Variants in NAALADL2 observed in about 807,000 individuals in gnomAD.
NAALADL2 encodes N-acetylated alpha-linked acidic dipeptidase like 2, also known as inactive N-acetylated-alpha-linked acidic dipeptidase-like protein 2.
Under a neutral mutation model 87.2 loss-of-function variants are expected in NAALADL2, and 76 were observed. The observed-to-expected ratio is 0.87, with a 90% CI of 0.72 to 1.05. The LOEUF (loss-of-function observed/expected upper bound fraction) is 1.05. Ranked by LOEUF, NAALADL2 falls within the 50% of genes least tolerant of loss-of-function variation. The pLI is 0.00. For missense variants in NAALADL2, 1,089 were observed against 945.8 expected (o/e 1.15, Z -1.99); for synonymous variants, 354 against 331.0 (o/e 1.07, Z -0.75).
chr3:175,690,277 A>G (rs1736870922), intron 11 of NAALADL2, among the ~76,000 whole-genome samples: 1 of 152,090 alleles, frequency 6.6e-6, no homozygotes, highest in Non-Finnish European at 1.5e-5. Context: ...ATAAAAAGGC[A>G]CTGGAGAAAT....
intron 13 of NAALADL2, among the ~76,000 whole-genome samples, chr3:175,768,376 A>G (rs536138777): frequency 7.2e-5 from 11 of 152,138 alleles, no homozygotes; most frequent in Admixed American, 7.2e-4. Context: ...TTTTTGATCT[A>G]TCAGATTACT....
intron 2 of NAALADL2, among the ~76,000 whole-genome samples, chr3:174,585,130 C>T (rs192423003): frequency 6.6e-6 from 1 of 152,218 alleles, no homozygotes; most frequent in East Asian, 1.9e-4. Context: ...ACTCTGACCC[C>T]TGAAATATTA....
intron 1 of NAALADL2, among the ~76,000 whole-genome samples, chr3:175,071,280 T>C (rs532991331): frequency 4.1e-4 from 62 of 152,276 alleles, no homozygotes; most frequent in Non-Finnish European, 7.5e-4. Flanking sequence ...TTTCTGACTA[T>C]GCTAAGATAT....
At chr3:174,563,264 A>G (rs941283618) in intron 2 of NAALADL2, among the ~76,000 whole-genome samples, 3 of 151,682 alleles carry the variant, frequency 2.0e-5, no homozygotes, top group African/African-American at 7.2e-5. Context: ...TCTTCTCCAG[A>G]TATTTATAAG....
At chr3:174,876,906 G>A (rs1003993098) in intron 1 of NAALADL2, among the ~76,000 whole-genome samples, 4 of 152,106 alleles carry the variant, frequency 2.6e-5, no homozygotes, top group Admixed American at 2.0e-4. Context: ...TCAAGATTAA[G>A]GCATTAGCAA....
chr3:175,581,650 A>G (rs1719801599), intron 10 of NAALADL2, among the ~76,000 whole-genome samples: 1 of 152,224 alleles, frequency 6.6e-6, no homozygotes, highest in Admixed American at 6.5e-5. Context: ...ATCAATGTGG[A>G]ATCTTAATCC....
Position 175,802,319 on chromosome 3 carries a change from AT to A in NAALADL2, c.2190-677del, listed in dbSNP as rs200186887. 3.8e-4 allele frequency among the ~76,000 whole-genome samples: 55 copies of A among 143,258 alleles called. 1 individual carries two copies. The highest frequency in any genetic ancestry group is 2.1e-3 in the Admixed American group (30 of 14,348). 94.0% of individuals were successfully genotyped at this position (143,258 alleles called of 152,430 possible). On this transcript the variant is annotated intron_variant, in intron 13 of 13. Coordinates refer to ENST00000454872, the MANE Select transcript of NAALADL2 (RefSeq NM_207015.3). ...TAGTAAGGTCTATGCTTTGTGATTG[AT>A]TTTTTTTTGGGGGGGGACAATTTTG...
At chr3:175,100,566 A>G (rs6443281) in intron 2 of NAALADL2, among the ~76,000 whole-genome samples, 84,800 of 151,542 alleles carry the variant, frequency 0.56, 23,657 homozygotes, top group Non-Finnish European at 0.57. Context: ...GGCCAGGGGC[A>G]GTGGGTAATG....
At chr3:175,797,045 T>C (rs529253732) in intron 13 of NAALADL2, among the ~76,000 whole-genome samples, 1 of 152,220 alleles carries the variant, frequency 6.6e-6, no homozygotes, top group Non-Finnish European at 1.5e-5. Flanking sequence ...CTGGAGTTGT[T>C]AATTAGGTTT....
At chr3:174,487,592 A>G (rs1401898717) in intron 1 of NAALADL2, among the ~76,000 whole-genome samples, 2 of 152,004 alleles carry the variant, frequency 1.3e-5, no homozygotes, top group Non-Finnish European at 2.9e-5. Context: ...AAGAAGTGGC[A>G]TTTGATATGG....
At chr3:174,786,151 T>C (rs906934644) in intron 3 of NAALADL2, among the ~76,000 whole-genome samples, 2 of 152,120 alleles carry the variant, frequency 1.3e-5, no homozygotes, top group Non-Finnish European at 2.9e-5. Context: ...CAAAAAGCTT[T>C]ACTGAAAAAG....
chr3:175,674,503 A>G (rs1734492767), intron 11 of NAALADL2, among the ~76,000 whole-genome samples: 1 of 152,006 alleles, frequency 6.6e-6, no homozygotes, highest in Non-Finnish European at 1.5e-5. Context: ...TGACCTTGTG[A>G]TCAGCCTGCC....
At chr3:175,764,541 C>A (rs1471158654) in intron 13 of NAALADL2, among the ~76,000 whole-genome samples, 1 of 88,076 alleles carries the variant, frequency 1.1e-5, no homozygotes, top group Non-Finnish European at 2.1e-5. Flanking sequence ...AAGCCAAGAC[C>A]ATTTTTTTTT....
At chr3:175,212,028 A>T (rs1741842760) in intron 2 of NAALADL2, among the ~76,000 whole-genome samples, 1 of 152,008 alleles carries the variant, frequency 6.6e-6, no homozygotes, top group African/African-American at 2.4e-5. Context: ...ATTCAGACGC[A>T]CCTGTGGGAT....
chr3:175,287,176 T>C (rs1426360913), intron 4 of NAALADL2, among the ~76,000 whole-genome samples: 1 of 152,124 alleles, frequency 6.6e-6, no homozygotes, highest in Non-Finnish European at 1.5e-5. Flanking sequence ...TTTAGTAGTG[T>C]TAACTATTTC....
chr3:175,028,133 A>G (rs1012315415), intron 1 of NAALADL2, among the ~76,000 whole-genome samples: 4 of 152,058 alleles, frequency 2.6e-5, no homozygotes, highest in Non-Finnish European at 4.4e-5. Context: ...GTCAAAAGTA[A>G]ACAAGGCTAG....
intron 1 of NAALADL2, among the ~76,000 whole-genome samples, chr3:174,478,035 T>G (rs1455422350): frequency 1.3e-5 from 2 of 152,146 alleles, no homozygotes; most frequent in Non-Finnish European, 2.9e-5. Flanking sequence ...AAAATACCAA[T>G]ACTCAGTTGT....
Position 175,013,301 on chromosome 3 carries a change from A to ATTTTTTT in NAALADL2, c.44-83480_44-83474dup, listed in dbSNP as rs753716843. ...TACATATATATATATATATATATAT[A>ATTTTTTT]TTTTTTTTTTTTTTTGAGACAGGGT... On this transcript the variant is annotated intron_variant, in intron 1 of 13. Transcript: ENST00000454872. Among the ~76,000 whole-genome samples the ATTTTTTT allele has an allele frequency of 7.2e-4, 52 of 72,060 alleles. 1 individual carries two copies. Among genetic ancestry groups the ATTTTTTT allele is most frequent in the African/African-American group, 2.7e-3 (47 of 17,136 alleles). The allele number at this position is 72,060 out of a possible 152,430, so 47.3% of individuals were successfully genotyped here.
chr3:175,753,815 T>C (rs1460765995), intron 12 of NAALADL2, among the ~76,000 whole-genome samples: 1 of 152,144 alleles, frequency 6.6e-6, no homozygotes, highest in East Asian at 1.9e-4. Context: ...GCCCAGGACT[T>C]CTCATAGTGA....
Sources: allele counts gnomAD v4.1 joint callset (sites outside exome capture counted in the v4.1 genomes callset), GRCh38; gene constraint gnomAD v4.1.1; transcripts MANE v1.5; gene names NCBI Gene and HGNC (gene_info 2026-07-23, HGNC 2026-07-21).